The following GDF11 variants were observed in gnomAD, a reference collection of about 807,000 sequenced individuals.
GDF11 encodes the protein growth differentiation factor 11.
A neutral mutation model predicts 34.4 loss-of-function variants in GDF11; 12 were observed. The observed-to-expected ratio is 0.35, with a 90% CI of 0.22 to 0.57. GDF11 has a LOEUF of 0.57. Ranked by LOEUF, GDF11 falls within the 20% of genes least tolerant of loss-of-function variation. The probability of loss-of-function intolerance (pLI) is 0.86; values close to 1 mark genes in which losing one functional copy is unlikely to be tolerated. For missense variants in GDF11, 346 were observed against 548.2 expected, an observed-to-expected ratio of 0.63 and a Z score of 3.68; for synonymous variants, 212 against 231.1, an observed-to-expected ratio of 0.92 and a Z score of 0.75.
chr12:55,749,746 A>C lies in GDF11; in HGVS notation c.1088A>C (p.Asn363Thr). The change falls in exon 3 of 3, where the codon AAT becomes ACT. Residue 363 changes from asparagine to threonine, a missense_variant. Transcript: ENST00000257868. This position sits in a 1 kb window ranked among gnomAD's most constrained non-coding sequence, Gnocchi z 5.6. The part of the protein sequence containing the change: ...YPHTHLVQQA[N>T]PRGSAGPCCT... Reference sequence around the variant, plus strand: ...CATACCCATTTGGTGCAGCAGGCCAATCCAAGAGGCTCTGCTGGGCCCTGT... The same window carrying C: ...CATACCCATTTGGTGCAGCAGGCCACTCCAAGAGGCTCTGCTGGGCCCTGT... 1 of 1,614,182 alleles carries C rather than the reference A, an allele frequency of 6.2e-7. No individual in the cohort carries two copies. Among genetic ancestry groups the C allele is most frequent in the South Asian group, 1.1e-5 (1 of 91,080 alleles).
rs534043788 is a variant in GDF11, at chr12:55,749,982, G to A, written c.*100G>A. ...CTAGAGCTCCCTCCACTCTTCCCGC[G>A]AACATCACACCGTTCCCCGACCAAG... On this transcript the variant is annotated 3_prime_UTR_variant, in exon 3 of 3. Coordinates refer to ENST00000257868, the MANE Select transcript of GDF11 (RefSeq NM_005811.5). The surrounding 1 kb of genome is among the most constrained non-coding windows in gnomAD (Gnocchi z 5.6). 25 of 1,020,432 alleles carry A rather than the reference G, an allele frequency of 2.4e-5. No homozygotes were observed. Among genetic ancestry groups the A allele is most frequent in the East Asian group, 2.4e-4 (10 of 41,472 alleles). 63.2% of individuals were successfully genotyped at this position (1,020,432 alleles called of 1,614,324 possible).
chr12:55,756,684 C>T lies in GDF11; in HGVS notation c.*6802C>T, dbSNP rs1878514398. 1 of 152,226 alleles carries T rather than the reference C, an allele frequency of 6.6e-6. No homozygotes were observed. Among genetic ancestry groups the T allele is most frequent in the Non-Finnish European group, 1.5e-5 (1 of 68,030 alleles). The allele number at this position is 152,226 out of a possible 1,614,324, so 9.4% of individuals were successfully genotyped here. ...CAGATCTACATGAACTTGAAGCCTCCAGTTCCACTGCTTATGTTCCCAATG... is the reference window on the plus strand; with the variant it reads ...CAGATCTACATGAACTTGAAGCCTCTAGTTCCACTGCTTATGTTCCCAATG... On this transcript the variant is annotated 3_prime_UTR_variant, in exon 3 of 3. Transcript: ENST00000257868.
Position 55,749,946 on chromosome 12 carries a change from C to T in GDF11, c.*64C>T, listed in dbSNP as rs937533520. Reference sequence around the variant, plus strand: ...CCAAGACCCCTAGCCCTGCCCCCATCCCCCCAAGCCCTAGAGCTCCCTCCA... The same window carrying T: ...CCAAGACCCCTAGCCCTGCCCCCATTCCCCCAAGCCCTAGAGCTCCCTCCA... On this transcript the variant is annotated 3_prime_UTR_variant, in exon 3 of 3. Coordinates refer to ENST00000257868, the MANE Select transcript of GDF11 (RefSeq NM_005811.5). The surrounding 1 kb of genome is among the most constrained non-coding windows in gnomAD (Gnocchi z 5.6). 10 of 1,373,394 alleles carry T rather than the reference C, an allele frequency of 7.3e-6. No homozygotes were observed. The highest frequency in any genetic ancestry group is 5.7e-5 in the African/African-American group (4 of 69,678). The allele number at this position is 1,373,394 out of a possible 1,614,324, so 85.1% of individuals were successfully genotyped here. A position where few individuals can be genotyped will look rare whatever the true frequency, so the allele number is the denominator to read the frequency against.
rs1008900245 is a variant in GDF11, at chr12:55,751,660, A to G, written c.*1778A>G. 6.6e-6 allele frequency: 1 copy of G among 151,950 alleles called. No homozygotes were observed. The highest frequency in any genetic ancestry group is 1.5e-5 in the Non-Finnish European group (1 of 68,026). The allele number at this position is 151,950 out of a possible 1,614,324, so 9.4% of individuals were successfully genotyped here. On this transcript the variant is annotated 3_prime_UTR_variant, in exon 3 of 3. Coordinates refer to ENST00000257868, the MANE Select transcript of GDF11 (RefSeq NM_005811.5). ...GCTGGACAGTGCCTAGAAGCCAAGG[A>G]GTTGAGAATCTCCTGATCCACACCC...
At position 55,750,033 on chromosome 12, in the gene GDF11, C is replaced by A. The variant is rs1878272952; in HGVS notation, c.*151C>A. On this transcript the variant is annotated 3_prime_UTR_variant, in exon 3 of 3. Coordinates refer to ENST00000257868, the MANE Select transcript of GDF11 (RefSeq NM_005811.5). ...CCGTGTGCAATACAACAGAGGGAGG[C>A]AGGTGGGAATTGAGGGTGAGGGGTT... The A allele has an allele frequency of 1.4e-6, 1 of 693,706 alleles. No homozygotes were observed. Among genetic ancestry groups the A allele is most frequent in the East Asian group, 2.7e-5 (1 of 37,302 alleles). The allele number at this position is 693,706 out of a possible 1,614,324, so 43.0% of individuals were successfully genotyped here.
Position 55,749,922 on chromosome 12 carries a change from CA to C in GDF11, c.*42del. 6.4e-7 allele frequency: 1 copy of C among 1,554,674 alleles called. No individual in the cohort carries two copies. Among genetic ancestry groups the C allele is most frequent in the South Asian group, 1.2e-5 (1 of 83,760 alleles). ...GATGCCTCCCCCACAGACCCTACCC[CA>C]AGACCCCTAGCCCTGCCCCCATCCC... On this transcript the variant is annotated 3_prime_UTR_variant, in exon 3 of 3. Coordinates refer to ENST00000257868, the MANE Select transcript of GDF11 (RefSeq NM_005811.5). This position sits in a 1 kb window ranked among gnomAD's most constrained non-coding sequence, Gnocchi z 5.6.
Position 55,749,983 on chromosome 12 carries a change from A to AACATCACACC in GDF11, c.*102_*111dup. The stretch of plus-strand genomic sequence containing the variant: ...TAGAGCTCCCTCCACTCTTCCCGCG[A>AACATCACACC]ACATCACACCGTTCCCCGACCAAGC... On this transcript the variant is annotated 3_prime_UTR_variant, in exon 3 of 3. Coordinates refer to ENST00000257868, the MANE Select transcript of GDF11 (RefSeq NM_005811.5). The surrounding 1 kb of genome is among the most constrained non-coding windows in gnomAD (Gnocchi z 5.6). 1 of 1,008,678 alleles carries AACATCACACC rather than the reference A, an allele frequency of 9.9e-7. No individual in the cohort carries two copies. Among genetic ancestry groups the AACATCACACC allele is most frequent in the East Asian group, 2.4e-5 (1 of 41,450 alleles). 62.5% of individuals were successfully genotyped at this position (1,008,678 alleles called of 1,614,324 possible).
In GDF11 at chr12:55,748,763, C is replaced by T. The variant is rs1878237552; in HGVS notation, c.623C>T (p.Thr208Ile). 6.2e-7 allele frequency: 1 copy of T among 1,614,252 alleles called. No individual in the cohort carries two copies. Among genetic ancestry groups the T allele is most frequent in the Non-Finnish European group, 8.5e-7 (1 of 1,180,048 alleles). The change falls in exon 2 of 3, where the codon ACC becomes ATC. Residue 208 changes from threonine to isoleucine, a missense_variant. By Grantham distance (89) the Thr-to-Ile change is moderately conservative (BLOSUM62 -1). Transcript: ENST00000257868. This position sits in a 1 kb window ranked among gnomAD's most constrained non-coding sequence, Gnocchi z 5.6. Reference sequence around the variant, plus strand: ...CTAAAACCCCTAACTGGGGAAGGGACCGCAGGGGGAGGGGGCGGAGGCCGG... The same window carrying T: ...CTAAAACCCCTAACTGGGGAAGGGATCGCAGGGGGAGGGGGCGGAGGCCGG... ...LRLKPLTGEG[T>I]AGGGGGGRRH...
Position 55,743,356 on chromosome 12 carries a change from C to T in GDF11, c.40C>T (p.Leu14Phe). The change falls in exon 1 of 3, where the codon CTC becomes TTC. Residue 14 changes from leucine (L) to phenylalanine (F), a missense_variant. By Grantham distance (22) the Leu-to-Phe change is conservative. Coordinates refer to ENST00000257868, the MANE Select transcript of GDF11 (RefSeq NM_005811.5). ...AAPLLLGFLLLALELRPRGEA... is the reference protein window; with the variant it reads ...AAPLLLGFLLFALELRPRGEA... ...CCCGCTGCTGCTGGGCTTCCTGCTCCTCGCCCTGGAGCTGCGGCCCCGGGG... is the reference window on the plus strand; with the variant it reads ...CCCGCTGCTGCTGGGCTTCCTGCTCTTCGCCCTGGAGCTGCGGCCCCGGGG... 1.0e-6 allele frequency: 1 copy of T among 986,624 alleles called. No individual in the cohort carries two copies. The highest frequency in any genetic ancestry group is 1.2e-6 in the Non-Finnish European group (1 of 832,364). The allele number at this position is 986,624 out of a possible 1,614,324, so 61.1% of individuals were successfully genotyped here.
Position 55,753,606 on chromosome 12 carries a change from C to T in GDF11, c.*3724C>T, listed in dbSNP as rs1878404444. ...CCAACATTGTGAAACCTCATCTCTA[C>T]TAAAATACCCAAAATTAGCCGGGCG... On this transcript the variant is annotated 3_prime_UTR_variant, in exon 3 of 3. Coordinates refer to ENST00000257868, the MANE Select transcript of GDF11 (RefSeq NM_005811.5). 1 of 152,004 alleles carries T rather than the reference C, an allele frequency of 6.6e-6. No individual in the cohort carries two copies. Among genetic ancestry groups the T allele is most frequent in the Non-Finnish European group, 1.5e-5 (1 of 68,024 alleles). The allele number at this position is 152,004 out of a possible 1,614,324, so 9.4% of individuals were successfully genotyped here.
At position 55,748,537 on chromosome 12, in the gene GDF11, C is replaced by A. The variant is rs764072303; in HGVS notation, c.446-49C>A. ...GCCAGTGCCACCCAGGACTACTGATCCCCTACACAAACACCCTTTGCTGAT... is the reference window on the plus strand; with the variant it reads ...GCCAGTGCCACCCAGGACTACTGATACCCTACACAAACACCCTTTGCTGAT... On this transcript the variant is annotated intron_variant, in intron 1 of 2. Coordinates refer to ENST00000257868, the MANE Select transcript of GDF11 (RefSeq NM_005811.5). This position sits in a 1 kb window ranked among gnomAD's most constrained non-coding sequence, Gnocchi z 5.6. 6.5e-7 allele frequency: 1 copy of A among 1,534,644 alleles called. No homozygotes were observed. Among genetic ancestry groups the A allele is most frequent in the Admixed American group, 1.9e-5 (1 of 52,050 alleles).
rs1477920148 is a variant in GDF11 at position 55,749,914 on chromosome 12, C to G, written c.*32C>G. On this transcript the variant is annotated 3_prime_UTR_variant, in exon 3 of 3. Coordinates refer to ENST00000257868, the MANE Select transcript of GDF11 (RefSeq NM_005811.5). This position sits in a 1 kb window ranked among gnomAD's most constrained non-coding sequence, Gnocchi z 5.6. ...GGATAGAGGATGCCTCCCCCACAGA[C>G]CCTACCCCAAGACCCCTAGCCCTGC... 1 of 1,572,300 alleles carries G rather than the reference C, an allele frequency of 6.4e-7. No homozygotes were observed. The highest frequency in any genetic ancestry group is 1.3e-5 in the African/African-American group (1 of 74,280).
rs577623199 is a variant in GDF11 at position 55,750,218 on chromosome 12, A to G, written c.*336A>G. The stretch of plus-strand genomic sequence containing the variant: ...AGGCAAAGAGAGAGGCAGAAGAGAC[A>G]GACGAGGCAGAGACAAAACACTGAG... On this transcript the variant is annotated 3_prime_UTR_variant, in exon 3 of 3. Transcript: ENST00000257868. 10 of 261,494 alleles carry G rather than the reference A, an allele frequency of 3.8e-5. No homozygotes were observed. Among genetic ancestry groups the G allele is most frequent in the Non-Finnish European group, 6.6e-5 (9 of 137,328 alleles). 16.2% of individuals were successfully genotyped at this position (261,494 alleles called of 1,614,324 possible).
chr12:55,743,253 C>A lies in GDF11; in HGVS notation c.-64C>A. 1.9e-6 allele frequency: 1 copy of A among 536,830 alleles called. No homozygotes were observed. Among genetic ancestry groups the A allele is most frequent in the Non-Finnish European group, 2.4e-6 (1 of 423,176 alleles). 33.3% of individuals were successfully genotyped at this position (536,830 alleles called of 1,614,324 possible). On this transcript the variant is annotated 5_prime_UTR_variant, in exon 1 of 3. Transcript: ENST00000257868. The stretch of plus-strand genomic sequence containing the variant: ...CCCTCCTCCTCCCTCCCTCCTCCCT[C>A]CGCCCCCTCCCCGCGGGACTCCGGC...
rs576321212 is a variant in GDF11 at position 55,750,000 on chromosome 12, C to T, written c.*118C>T. ...TTCCCGCGAACATCACACCGTTCCC[C>T]GACCAAGCCGTGTGCAATACAACAG... is the stretch of plus-strand genomic sequence containing the variant. On this transcript the variant is annotated 3_prime_UTR_variant, in exon 3 of 3. Coordinates refer to ENST00000257868, the MANE Select transcript of GDF11 (RefSeq NM_005811.5). The surrounding 1 kb of genome is among the most constrained non-coding windows in gnomAD (Gnocchi z 5.6). The T allele has an allele frequency of 3.3e-5, 29 of 886,880 alleles. No homozygotes were observed. Among genetic ancestry groups the T allele is most frequent in the East Asian group, 2.5e-4 (10 of 40,088 alleles). The allele number at this position is 886,880 out of a possible 1,614,324, so 54.9% of individuals were successfully genotyped here. A position where few individuals can be genotyped will look rare whatever the true frequency, so the allele number is the denominator to read the frequency against.
chr12:55,757,233 TCC>T lies in GDF11; in HGVS notation c.*7352_*7353del. 3.5e-6 allele frequency: 1 copy of T among 288,504 alleles called. No individual in the cohort carries two copies. The highest frequency in any genetic ancestry group is 6.5e-6 in the Non-Finnish European group (1 of 153,046). The allele number at this position is 288,504 out of a possible 1,614,324, so 17.9% of individuals were successfully genotyped here. On this transcript the variant is annotated 3_prime_UTR_variant, in exon 3 of 3. Transcript: ENST00000257868. ...CTCCCCTTATCTGGTCTAATCTAGC[TCC>T]AATAAATCAAAGGAGCACCTAATAA...
rs1001564887 is a variant in GDF11, at chr12:55,748,334, A to G, written c.446-252A>G. On this transcript the variant is annotated intron_variant, in intron 1 of 2. Transcript: ENST00000257868. This position sits in a 1 kb window ranked among gnomAD's most constrained non-coding sequence, Gnocchi z 5.6. ...TGAATAATTTTGCAGGTTATCTGGT[A>G]GACAGGAACCTATATATTAGGGCAA... 1.1e-4 allele frequency among the ~76,000 whole-genome samples: 16 copies of G among 152,250 alleles called. No homozygotes were observed. The highest frequency in any genetic ancestry group is 3.9e-4 in the African/African-American group (16 of 41,458).
At position 55,755,708 on chromosome 12, in the gene GDF11, G is replaced by A. The variant is rs1192573460; in HGVS notation, c.*5826G>A. The A allele has an allele frequency of 6.6e-6, 1 of 152,146 alleles. No individual in the cohort carries two copies. The highest frequency in any genetic ancestry group is 1.5e-5 in the Non-Finnish European group (1 of 68,036). 9.4% of individuals were successfully genotyped at this position (152,146 alleles called of 1,614,324 possible). On this transcript the variant is annotated 3_prime_UTR_variant, in exon 3 of 3. Coordinates refer to ENST00000257868, the MANE Select transcript of GDF11 (RefSeq NM_005811.5). ...GAATGACTATAATGAGATAGGAAGG[G>A]GAGGACTTCATCTGGCTTGGAGGTT...
chr12:55,748,740 A>T lies in GDF11; in HGVS notation c.600A>T (p.Leu200=), dbSNP rs1301833369. ...PATVYLQILR[L]KPLTGEGTAG... ...CAGTCTACCTGCAGATCTTGCGACT[A>T]AAACCCCTAACTGGGGAAGGGACCG... is the stretch of plus-strand genomic sequence containing the variant. The change falls in exon 2 of 3, where the codon CTA becomes CTT. Residue 200 remains leucine (L), a synonymous_variant. Transcript: ENST00000257868. The surrounding 1 kb of genome is among the most constrained non-coding windows in gnomAD (Gnocchi z 5.6). The T allele has an allele frequency of 6.2e-7, 1 of 1,614,134 alleles. No individual in the cohort carries two copies. The highest frequency in any genetic ancestry group is 1.3e-5 in the African/African-American group (1 of 74,948).
Sources: allele counts gnomAD v4.1 joint callset (sites outside exome capture counted in the v4.1 genomes callset), GRCh38; gene constraint gnomAD v4.1.1; non-coding constraint Gnocchi (gnomAD v3.1); transcripts MANE v1.5; gene names NCBI Gene and HGNC (gene_info 2026-07-23, HGNC 2026-07-21).